Variants in GNB1 observed in about 807,000 individuals in gnomAD.
GNB1 encodes the protein guanine nucleotide-binding protein G(I)/G(S)/G(T) subunit beta-1.
A neutral mutation model predicts 42.9 loss-of-function variants in GNB1; 2 were observed. That is an observed-to-expected ratio of 0.05 (90% CI 0.02 to 0.15). The LOEUF (loss-of-function observed/expected upper bound fraction) is 0.15, where lower values mean the gene tolerates loss of function less well. GNB1 is among the 10% of genes least tolerant of loss of function. The probability of loss-of-function intolerance (pLI) is 1.00; values close to 1 mark genes in which losing one functional copy is unlikely to be tolerated. For missense variants in GNB1, 193 were observed against 462.2 expected, an observed-to-expected ratio of 0.42 and a Z score of 5.34; for synonymous variants, 183 against 174.7, an observed-to-expected ratio of 1.05 and a Z score of -0.38.
chr1:1,877,328 T>TACACAC (rs1209756656), intron 1 of GNB1, among the ~76,000 whole-genome samples: 1 of 147,650 alleles, frequency 6.8e-6, no homozygotes, highest in South Asian at 2.1e-4. Flanking sequence ...TATATATATA[T>TACACAC]ATACACACAC....
chr1:1,815,775 G>A lies in GNB1; in HGVS notation c.184C>T (p.His62Tyr). ...GCCTACCTGGAGTCTGTGCCCCAGT[G>A]CATGGCGTAGATCTTGGCCAGGTGC... Reference protein sequence around the residue: ...RGHLAKIYAMHWGTDSRLLVS... With the variant: ...RGHLAKIYAMYWGTDSRLLVS... Residue 62 changes from histidine to tyrosine, a missense_variant, in exon 5 of 12, where the codon CAC (histidine) becomes TAC (tyrosine). Around this residue, in one of 2 missense-constraint regions of GNB1, gnomAD observed 150 missense variants for 410.8 expected, o/e 0.37. Coordinates refer to ENST00000378609, the MANE Select transcript of GNB1 (RefSeq NM_002074.5). The A allele has an allele frequency of 6.3e-7, 1 of 1,593,368 alleles. No homozygotes were observed. Among genetic ancestry groups the A allele is most frequent in the Non-Finnish European group, 8.6e-7 (1 of 1,160,984 alleles).
At position 1,790,676 on chromosome 1, in the gene GNB1, C is replaced by T. The variant is rs1390631547; in HGVS notation, c.498-80G>A. The stretch of plus-strand genomic sequence containing the variant: ...GTCATGTGACAGACAATCTGTCCTT[C>T]AAACCACCCAGGGCCACAGTGAGCC... On this transcript the variant is annotated intron_variant, in intron 8 of 11. Coordinates refer to ENST00000378609, the MANE Select transcript of GNB1 (RefSeq NM_002074.5). The surrounding 1 kb of genome is among the most constrained non-coding windows in gnomAD (Gnocchi z 5.4). 1.1e-6 allele frequency: 1 copy of T among 922,934 alleles called. No individual in the cohort carries two copies. The highest frequency in any genetic ancestry group is 1.9e-5 in the Admixed American group (1 of 51,778). 57.2% of individuals were successfully genotyped at this position (922,934 alleles called of 1,614,324 possible).
chr1:1,852,265 G>GTC (rs1557928787), intron 1 of GNB1, among the ~76,000 whole-genome samples: 1 of 151,920 alleles, frequency 6.6e-6, no homozygotes, highest in Non-Finnish European at 1.5e-5. Context: ...ATCTTGCTCT[G>GTC]TCGCCCAGGC....
intron 3 of GNB1, among the ~76,000 whole-genome samples, chr1:1,819,967 G>A (rs1646909354): frequency 1.3e-5 from 2 of 152,226 alleles, no homozygotes; most frequent in Non-Finnish European, 2.9e-5. Context: ...GAAGGTGGAG[G>A]ACGAGTTCCC....
At chr1:1,821,219 C>T (rs1233004384) in intron 3 of GNB1, among the ~76,000 whole-genome samples, 2 of 152,220 alleles carry the variant, frequency 1.3e-5, no homozygotes, top group Admixed American at 1.3e-4. Flanking sequence ...GCCTCTCGCA[C>T]GAATGGACCC....
intron 1 of GNB1, among the ~76,000 whole-genome samples, chr1:1,845,536 G>A (rs1647597782): frequency 6.6e-6 from 1 of 152,060 alleles, no homozygotes; most frequent in South Asian, 2.1e-4. Context: ...TCGTGCCACT[G>A]CACTCCAGCC....
chr1:1,867,673 A>G (rs1490765402), intron 1 of GNB1, among the ~76,000 whole-genome samples: 2 of 152,184 alleles, frequency 1.3e-5, no homozygotes, highest in Admixed American at 6.6e-5. Flanking sequence ...ATATATTCCT[A>G]ACATTTTTCT....
chr1:1,838,486 A>ATGT (rs1647181243), intron 2 of GNB1, among the ~76,000 whole-genome samples: 1 of 143,218 alleles, frequency 7.0e-6, no homozygotes, highest in Non-Finnish European at 1.5e-5. Flanking sequence ...GCTCTGTCCC[A>ATGT]CAGGCTGGAG....
chr1:1,798,355 T>G (rs1417508992), intron 7 of GNB1, among the ~76,000 whole-genome samples: 1 of 152,220 alleles, frequency 6.6e-6, no homozygotes, highest in East Asian at 1.9e-4. Flanking sequence ...GTGTCCAAGC[T>G]TGTGAGGCCT....
intron 5 of GNB1, among the ~76,000 whole-genome samples, chr1:1,809,387 G>A (rs547909585): frequency 2.6e-5 from 4 of 152,108 alleles, no homozygotes; most frequent in South Asian, 2.1e-4. Context: ...TGCTGGTCTC[G>A]AACTCCTGAG....
intron 2 of GNB1, among the ~76,000 whole-genome samples, chr1:1,835,959 G>C (rs973030409): frequency 1.4e-5 from 2 of 146,044 alleles, no homozygotes; most frequent in Non-Finnish European, 3.0e-5. Flanking sequence ...ACATGGTAGT[G>C]CGTGCCTATA....
intron 1 of GNB1, among the ~76,000 whole-genome samples, chr1:1,882,938 A>G (rs1206967696): frequency 6.6e-6 from 1 of 151,750 alleles, no homozygotes; most frequent in African/African-American, 2.4e-5. Flanking sequence ...AAAAAAGGAC[A>G]TAAACTTACC....
chr1:1,799,597 G>A (rs978404769), intron 7 of GNB1, among the ~76,000 whole-genome samples: 11 of 152,194 alleles, frequency 7.2e-5, no homozygotes, highest in African/African-American at 2.7e-4. Flanking sequence ...GCTCCTATCT[G>A]TAGGCATTAC....
chr1:1,863,529 G>A (rs770396483), intron 1 of GNB1, among the ~76,000 whole-genome samples: 4 of 152,142 alleles, frequency 2.6e-5, no homozygotes, highest in East Asian at 1.9e-4. Flanking sequence ...GTCTACTTAG[G>A]AGACCTAACT....
intron 1 of GNB1, among the ~76,000 whole-genome samples, chr1:1,868,791 A>G (rs370091157): frequency 2.0e-5 from 3 of 151,728 alleles, no homozygotes; most frequent in African/African-American, 7.2e-5. Flanking sequence ...AAAAAGAAAA[A>G]AAGTGAAAAA....
chr1:1,796,487 T>G (rs892875046), intron 7 of GNB1, among the ~76,000 whole-genome samples: 4 of 152,232 alleles, frequency 2.6e-5, no homozygotes, highest in African/African-American at 9.6e-5. Context: ...ACTGGGGAAC[T>G]GATGGGAGGA....
At chr1:1,842,419 A>T (rs1647279841) in intron 1 of GNB1, among the ~76,000 whole-genome samples, 1 of 149,158 alleles carries the variant, frequency 6.7e-6, no homozygotes. Context: ...GGGGTGACAG[A>T]GTGAGACTCC....
At chr1:1,826,991 G>A (rs1056088119) in intron 2 of GNB1, among the ~76,000 whole-genome samples, 2 of 152,086 alleles carry the variant, frequency 1.3e-5, no homozygotes, top group East Asian at 1.9e-4. Flanking sequence ...ATGCAAGTAC[G>A]GCTTATGCAA....
chr1:1,872,738 G>A (rs547652098), intron 1 of GNB1, among the ~76,000 whole-genome samples: 1 of 152,116 alleles, frequency 6.6e-6, no homozygotes, highest in Admixed American at 6.5e-5. Flanking sequence ...ACAGCTCACA[G>A]CACCTACCAC....
Sources: gnomAD v4.1 joint callset for allele counts (sites outside exome capture counted in the v4.1 genomes callset) on GRCh38, gnomAD v4.1.1 for gene constraint, gnomAD v4.1.1 regional missense constraint, Gnocchi (gnomAD v3.1) non-coding constraint, MANE v1.5 for transcripts, NCBI Gene and HGNC (gene_info 2026-07-23, HGNC 2026-07-21) for gene names.